The following PPL variants were observed in gnomAD, a reference collection of about 807,000 sequenced individuals.
PPL encodes periplakin, also known as 190 kDa paraneoplastic pemphigus antigen.
Under a neutral mutation model 194.4 loss-of-function variants are expected in PPL, and 198 were observed. The observed-to-expected ratio is 1.02, with a 90% confidence interval of 0.91 to 1.15. The LOEUF (loss-of-function observed/expected upper bound fraction) is 1.15. Among genes scored for constraint, PPL ranks in the 50% most tolerant of loss-of-function variants. PPL has a pLI of 0.00. For missense variants in PPL, 2,885 were observed against 2,294.8 expected, an observed-to-expected ratio of 1.26 and a Z score of -5.25; for synonymous variants, 1,220 against 972.4, an observed-to-expected ratio of 1.25 and a Z score of -4.74.
chr16:4,903,760 A>C (rs1415938294), intron 3 of PPL, 126 bp downstream of exon 3: 6 of 1,108,592 alleles, frequency 5.4e-6, no homozygotes, highest in South Asian at 1.5e-5. Flanking sequence ...AGCCTTTGGC[A>C]CGTGCCTGGC....
chr16:4,907,014 G>A (rs1181921918), intron 2 of PPL, among the ~76,000 whole-genome samples: 1 of 151,488 alleles, frequency 6.6e-6, no homozygotes, highest in Admixed American at 6.6e-5. Flanking sequence ...CGAGGCCCAG[G>A]CGGGAGGATT....
chr16:4,934,167 A>G (rs1311054776), intron 1 of PPL, among the ~76,000 whole-genome samples: 1 of 152,200 alleles, frequency 6.6e-6, no homozygotes, highest in Non-Finnish European at 1.5e-5. Flanking sequence ...CTCTGTCATT[A>G]GCTCAGGTGT....
rs1294387037 is a variant in PPL at position 4,893,657 on chromosome 16, G to A, written c.1395-19C>T. On this transcript the variant is annotated intron_variant, in intron 12 of 21. Coordinates refer to ENST00000345988, the MANE Select transcript of PPL (RefSeq NM_002705.5). ...GCCCAGGCTGTGAGGACAGAAATGA[G>A]CTGGGAACCTGGGCAGCCCACCACC... The A allele has an allele frequency of 6.4e-7, 1 of 1,559,982 alleles. No homozygotes were observed. Among genetic ancestry groups the A allele is most frequent in the Admixed American group, 1.8e-5 (1 of 54,516 alleles).
In PPL at chr16:4,888,165, TC is replaced by T. The variant is rs763762234; in HGVS notation, c.2450del (p.Gly817GlufsTer6). 1 of 1,613,876 alleles carries T rather than the reference TC, an allele frequency of 6.2e-7. No homozygotes were observed. The highest frequency in any genetic ancestry group is 2.2e-5 in the East Asian group (1 of 44,874). ...KLRSLLDLEN[G>X]RRSHVSKRAR... The stretch of plus-strand genomic sequence containing the variant: ...CTCTCTTGCTCACGTGGCTTCTCCT[TC>T]CATTCTCCAAGTCGAGAAGAGACCT... On this transcript the variant is annotated frameshift_variant, in exon 20 of 22. Coordinates refer to ENST00000345988, the MANE Select transcript of PPL (RefSeq NM_002705.5). LOFTEE classifies it high-confidence loss of function.
intron 5 of PPL, 26 bp downstream of exon 5, chr16:4,900,938 C>G (rs758485449): frequency 6.2e-7 from 1 of 1,614,012 alleles, no homozygotes; most frequent in South Asian, 1.1e-5. Context: ...ATCCCTGGGT[C>G]CCCACCACAC....
intron 1 of PPL, among the ~76,000 whole-genome samples, chr16:4,913,014 G>T (rs146582460): frequency 6.6e-6 from 1 of 151,942 alleles, no homozygotes; most frequent in Admixed American, 6.6e-5. Context: ...TGAGGCAGGA[G>T]AACTGCTTGA....
chr16:4,903,566 A>G (rs2142370196), intron 3 of PPL, among the ~76,000 whole-genome samples: 1 of 152,084 alleles, frequency 6.6e-6, no homozygotes, highest in South Asian at 2.1e-4. Context: ...CTAAAAATAC[A>G]AAAATTAGCC....
At chr16:4,910,199 A>G (rs954809873) in intron 2 of PPL, among the ~76,000 whole-genome samples, 5 of 152,292 alleles carry the variant, frequency 3.3e-5, no homozygotes, top group African/African-American at 1.2e-4. Context: ...CAGATAGGGG[A>G]AAGTGATTTG....
At chr16:4,908,135 C>G (rs1292791893) in intron 2 of PPL, among the ~76,000 whole-genome samples, 2 of 147,098 alleles carry the variant, frequency 1.4e-5, no homozygotes, top group African/African-American at 5.1e-5. Context: ...GCACTCCAGC[C>G]TGGACAACAG....
rs1214070398 is a variant in PPL at position 4,883,762 on chromosome 16, G to A, written c.4893C>T (p.Leu1631=). 7 of 1,613,940 alleles carry A rather than the reference G, an allele frequency of 4.3e-6. No homozygotes were observed. Among genetic ancestry groups the A allele is most frequent in the South Asian group, 1.1e-5 (1 of 91,092 alleles). Residue 1631 remains leucine (L), a synonymous_variant, in exon 22 of 22, where the codon CTC becomes CTT. Transcript: ENST00000345988. This position sits in a 1 kb window ranked among gnomAD's most constrained non-coding sequence, Gnocchi z 4.8. ...GGCGCTTCTGCAGCTCGTCGATCTC[G>A]AGGTCTTTGTCCTTGGAGAGCCTCT... ...DLKRLSKDKD[L]EIDELQKRLG... is the part of the protein sequence containing the mutation.
At chr16:4,918,591 C>A (rs62036158) in intron 1 of PPL, among the ~76,000 whole-genome samples, 37 of 152,128 alleles carry the variant, frequency 2.4e-4, no homozygotes, top group Non-Finnish European at 4.4e-4. Flanking sequence ...ATATACCATG[C>A]AATTCACTCA....
intron 14 of PPL, chr16:4,892,629 G>A (rs149460931): frequency 4.1e-4 from 71 of 173,182 alleles, no homozygotes; most frequent in African/African-American, 1.6e-3. Flanking sequence ...GCATCCTCTC[G>A]CCCTGACTTG....
intron 8 of PPL, among the ~76,000 whole-genome samples, chr16:4,898,195 T>A (rs1257280309): frequency 1.3e-5 from 2 of 152,114 alleles, no homozygotes; most frequent in Non-Finnish European, 2.9e-5. Flanking sequence ...CTGGCCCACA[T>A]GATGAGACCC....
At position 4,899,261 on chromosome 16, in the gene PPL, G is replaced by T. The variant is rs142744864; in HGVS notation, c.730C>A (p.Arg244Ser). 4 of 1,613,840 alleles carry T rather than the reference G, an allele frequency of 2.5e-6. No individual in the cohort carries two copies. The Admixed American group carries it at 6.7e-5, about 27-fold the overall frequency. ...KGRMQYDWSD[R>S]NLDYPSRRRQ... ...CGGCGGCTGGGGTAGTCGAGGTTGCGGTCACTCCAGTCGTACTGCATGCGG... is the reference window on the plus strand; with the variant it reads ...CGGCGGCTGGGGTAGTCGAGGTTGCTGTCACTCCAGTCGTACTGCATGCGG... The change falls in exon 7 of 22, where the codon CGC (arginine) becomes AGC (serine). Residue 244 changes from arginine to serine, a missense_variant. Arg to Ser is a moderately radical substitution (Grantham distance 110, BLOSUM62 -1). Transcript: ENST00000345988.
chr16:4,899,769 G>A (rs2088519203), intron 6 of PPL, among the ~76,000 whole-genome samples: 1 of 152,222 alleles, frequency 6.6e-6, no homozygotes, highest in South Asian at 2.1e-4. Flanking sequence ...AGCGTACAGA[G>A]ACTGGCATAT....
chr16:4,929,670 G>A (rs1040276373), intron 1 of PPL, among the ~76,000 whole-genome samples: 1 of 152,056 alleles, frequency 6.6e-6, no homozygotes, highest in Admixed American at 6.6e-5. Flanking sequence ...TAGATTTACT[G>A]GTTCTTCCTA....
intron 1 of PPL, among the ~76,000 whole-genome samples, chr16:4,923,422 G>A (rs1378432226): frequency 3.3e-5 from 5 of 152,156 alleles, no homozygotes; most frequent in Non-Finnish European, 5.9e-5. Flanking sequence ...TATGCTTCCC[G>A]GCCTCCTGCC....
In PPL at chr16:4,885,654, C is replaced by T. The variant is rs773434293; in HGVS notation, c.3001G>A (p.Glu1001Lys). The change falls in exon 22 of 22, where the codon GAG becomes AAG. Residue 1001 changes from glutamate (E) to lysine (K), a missense_variant. Physicochemically the swap from Glu to Lys is moderately conservative, Grantham distance 56 (BLOSUM62 1). Coordinates refer to ENST00000345988, the MANE Select transcript of PPL (RefSeq NM_002705.5). The surrounding 1 kb of genome is among the most constrained non-coding windows in gnomAD (Gnocchi z 6.3). ...EYVVKEVLRI[E>K]PDRAQADEVL... ...TCATCCGCCTGGGCCCTGTCAGGCT[C>T]GATGCGCAGGACCTCCTTGACCACG... 22 of 1,612,712 alleles carry T rather than the reference C, an allele frequency of 1.4e-5. No homozygotes were observed. The South Asian group carries it at 1.6e-4, about 12-fold the overall frequency.
chr16:4,883,735 C>T lies in PPL; in HGVS notation c.4920G>A (p.Leu1640=), dbSNP rs2088148310. 6.2e-7 allele frequency: 1 copy of T among 1,613,928 alleles called. No individual in the cohort carries two copies. The highest frequency in any genetic ancestry group is 1.7e-5 in the Admixed American group (1 of 60,000). The change falls in exon 22 of 22, where the codon CTG becomes CTA. Residue 1640 remains leucine, a synonymous_variant. Transcript: ENST00000345988. The surrounding 1 kb of genome is among the most constrained non-coding windows in gnomAD (Gnocchi z 4.8). ...DLEIDELQKR[L]GSVAVKREQR... is the part of the protein sequence containing the mutation. ...GCTCCCGCTTGACGGCCACGGAGCC[C>T]AGGCGCTTCTGCAGCTCGTCGATCT...
Sources: allele counts gnomAD v4.1 joint callset (sites outside exome capture counted in the v4.1 genomes callset), GRCh38; gene constraint gnomAD v4.1.1; non-coding constraint Gnocchi (gnomAD v3.1); transcripts MANE v1.5; gene names NCBI Gene and HGNC (gene_info 2026-07-23, HGNC 2026-07-21).